The following RBL1 variants were observed in gnomAD, a reference collection of about 807,000 sequenced individuals.
RBL1 encodes the protein retinoblastoma-like protein 1.
In RBL1, 82 loss-of-function variants were observed where a neutral mutation model predicts 123.0. That is an observed-to-expected ratio of 0.67 (90% CI 0.56 to 0.80). RBL1 has a LOEUF of 0.80. Among genes scored for constraint, RBL1 ranks in the 30% least tolerant of loss-of-function variants. The pLI is 0.00. For synonymous variants in RBL1, 405 were observed against 441.3 expected, an observed-to-expected ratio of 0.92 and a Z score of 1.03; for missense variants, 1,171 against 1,299.6, an observed-to-expected ratio of 0.90 and a Z score of 1.52.
At chr20:37,044,630 C>A (rs576287875) in intron 12 of RBL1, among the ~76,000 whole-genome samples, 1 of 152,140 alleles carries the variant, frequency 6.6e-6, no homozygotes, top group South Asian at 2.1e-4. Context: ...TGAGCCACTG[C>A]GCCCGGCCAC....
chr20:37,095,974 C>G lies in RBL1; in HGVS notation c.-46G>C. ...GCGCGCCACGGCCCCCGACTTCTTT[C>G]TCCCTCCCAGGCGCGCTACCCACAA... On this transcript the variant is annotated 5_prime_UTR_variant, in exon 1 of 22. Transcript: ENST00000373664. 7.0e-7 allele frequency: 1 copy of G among 1,426,860 alleles called. No homozygotes were observed. Among genetic ancestry groups the G allele is most frequent in the Non-Finnish European group, 9.3e-7 (1 of 1,075,648 alleles). 88.4% of individuals were successfully genotyped at this position (1,426,860 alleles called of 1,614,324 possible).
chr20:37,064,139 CTTTTT>C (rs1037547663), intron 7 of RBL1, among the ~76,000 whole-genome samples: 4 of 131,840 alleles, frequency 3.0e-5, no homozygotes, highest in Admixed American at 1.5e-4. Context: ...TCTTTTCTTT[CTTTTT>C]TTTTTTTTTT....
At chr20:37,017,816 A>T (rs1244210651) in intron 19 of RBL1, among the ~76,000 whole-genome samples, 1 of 151,556 alleles carries the variant, frequency 6.6e-6, no homozygotes, top group Admixed American at 6.6e-5. Flanking sequence ...TTTTTTTTTT[A>T]AGTAGAGATG....
Position 36,998,506 on chromosome 20 carries a change from G to A in RBL1, c.*253C>T. 1 of 335,372 alleles carries A rather than the reference G, an allele frequency of 3.0e-6. No homozygotes were observed. The highest frequency in any genetic ancestry group is 5.5e-6 in the Non-Finnish European group (1 of 183,442). The allele number at this position is 335,372 out of a possible 1,614,324, so 20.8% of individuals were successfully genotyped here. On this transcript the variant is annotated 3_prime_UTR_variant, in exon 22 of 22. Coordinates refer to ENST00000373664, the MANE Select transcript of RBL1 (RefSeq NM_002895.5). ...CCCAAAGTCCTGGGATTACAGGCGT[G>A]AGCCACAGCGCCTGGCCGGACTATT...
chr20:36,998,785 C>T lies in RBL1; in HGVS notation c.3181G>A (p.Val1061Ile), dbSNP rs1190221103. 6.2e-7 allele frequency: 1 copy of T among 1,612,732 alleles called. No individual in the cohort carries two copies. Among genetic ancestry groups the T allele is most frequent in the Non-Finnish European group, 8.5e-7 (1 of 1,179,530 alleles). Residue 1061 changes from valine (V) to isoleucine (I), a missense_variant, in exon 22 of 22, where the codon GTT (valine) becomes ATT (isoleucine). By Grantham distance (29) the Val-to-Ile change is conservative. Transcript: ENST00000373664. ...TAATGATTTGCTCTTTCACTGACAA[C>T]ATCCTGTAGTCGTTTCAGTAAAACG... ...DDVLLKRLQD[V>I]VSERANH
intron 13 of RBL1, among the ~76,000 whole-genome samples, chr20:37,042,762 G>A (rs1040703049): frequency 6.6e-6 from 1 of 151,672 alleles, no homozygotes; most frequent in East Asian, 1.9e-4. Context: ...AATTAGCCAG[G>A]TGTGGTGTGT....
chr20:37,084,356 C>G (rs1359262389), intron 2 of RBL1, among the ~76,000 whole-genome samples: 1 of 151,738 alleles, frequency 6.6e-6, no homozygotes, highest in African/African-American at 2.4e-5. Flanking sequence ...GATGAAAGAT[C>G]CTTATACCCT....
At chr20:37,044,648 T>C (rs2064789266) in intron 12 of RBL1, among the ~76,000 whole-genome samples, 1 of 152,216 alleles carries the variant, frequency 6.6e-6, no homozygotes, top group Non-Finnish European at 1.5e-5. Context: ...CACTGTGGCC[T>C]TATTCTGTGG....
chr20:37,022,744 G>T lies in RBL1; in HGVS notation c.2465C>A (p.Thr822Lys). Residue 822 changes from threonine to lysine, a missense_variant, in exon 17 of 22, where the codon ACG (threonine) becomes AAG (lysine). By Grantham distance (78) the Thr-to-Lys change is moderately conservative. Coordinates refer to ENST00000373664, the MANE Select transcript of RBL1 (RefSeq NM_002895.5). ...GTGAACTAAAGTGAATTCAAAACACGTCCATATCTTCCTTCGTAACTCATT... is the reference window on the plus strand; with the variant it reads ...GTGAACTAAAGTGAATTCAAAACACTTCCATATCTTCCTTCGTAACTCATT... ...VSNELRRKIW[T>K]CFEFTLVHCP... 6.2e-7 allele frequency: 1 copy of T among 1,613,642 alleles called. No individual in the cohort carries two copies. The highest frequency in any genetic ancestry group is 1.1e-5 in the South Asian group (1 of 91,058).
At chr20:37,056,100 ATTAC>A (rs2065000253) in intron 10 of RBL1, 42 bp downstream of exon 10, 8 of 1,558,658 alleles carry the variant, frequency 5.1e-6, no homozygotes, top group Non-Finnish European at 6.0e-6. Context: ...TTTTGGGGGG[ATTAC>A]TTATTTTCAA....
chr20:37,067,169 C>T (rs372369877), intron 4 of RBL1, 48 bp from the exon 5 acceptor site: 2 of 1,568,968 alleles, frequency 1.3e-6, no homozygotes. Context: ...CCAGAAACCT[C>T]TCATGTCAAA....
chr20:37,007,529 C>T lies in RBL1; in HGVS notation c.2753G>A (p.Cys918Tyr). 6.2e-7 allele frequency: 1 copy of T among 1,613,776 alleles called. No individual in the cohort carries two copies. The highest frequency in any genetic ancestry group is 1.7e-5 in the Admixed American group (1 of 59,932). ...TTCCTCTTTCACTGGTCCACTGGAACAGTCAGGTGTTTTTGTAGCATCTTC... is the reference window on the plus strand; with the variant it reads ...TTCCTCTTTCACTGGTCCACTGGAATAGTCAGGTGTTTTTGTAGCATCTTC... ...DLEDATKTPD[C>Y]SSGPVKEERG... Residue 918 changes from cysteine (C) to tyrosine (Y), a missense_variant, in exon 20 of 22, where the codon TGT becomes TAT. By Grantham distance (194) the Cys-to-Tyr change is radical. Coordinates refer to ENST00000373664, the MANE Select transcript of RBL1 (RefSeq NM_002895.5).
At chr20:37,088,912 A>G in intron 2 of RBL1, 77 bp downstream of exon 2, 1 of 1,003,578 alleles carries the variant, frequency 1.0e-6, no homozygotes, top group Non-Finnish European at 1.4e-6. Context: ...AATGAAGTCA[A>G]ATGATCTCAA....
chr20:37,001,026 G>A (rs1283370280), intron 21 of RBL1, among the ~76,000 whole-genome samples: 5 of 142,012 alleles, frequency 3.5e-5, no homozygotes, highest in Non-Finnish European at 7.7e-5. Flanking sequence ...AGGGAGGTGG[G>A]GGGGGTCAGC....
At chr20:37,038,428 G>C (rs2064665509) in intron 14 of RBL1, among the ~76,000 whole-genome samples, 2 of 147,830 alleles carry the variant, frequency 1.4e-5, no homozygotes, top group Non-Finnish European at 3.0e-5. Context: ...AGCCTCCCGA[G>C]TAGCTGGGAT....
intron 2 of RBL1, among the ~76,000 whole-genome samples, chr20:37,087,375 G>A (rs183344566): frequency 8.5e-4 from 129 of 152,002 alleles, no homozygotes; most frequent in African/African-American, 2.9e-3. Flanking sequence ...CTTAAGGTCA[G>A]GACTTTGAGA....
At chr20:37,043,795 G>C (rs988604296) in intron 13 of RBL1, among the ~76,000 whole-genome samples, 2 of 152,162 alleles carry the variant, frequency 1.3e-5, no homozygotes, top group Admixed American at 1.3e-4. Context: ...TATATGAAAT[G>C]TCTAGAATAG....
chr20:37,030,020 G>A (rs970112505), intron 16 of RBL1, among the ~76,000 whole-genome samples: 2 of 152,182 alleles, frequency 1.3e-5, no homozygotes, highest in Non-Finnish European at 2.9e-5. Context: ...TAGCCAATGC[G>A]ATCTCCATAT....
intron 19 of RBL1, among the ~76,000 whole-genome samples, chr20:37,012,204 G>A (rs998496756): frequency 6.6e-6 from 1 of 152,218 alleles, no homozygotes; most frequent in Non-Finnish European, 1.5e-5. Context: ...GCGTGATCTC[G>A]GCTCGCTACA....
Sources: gnomAD v4.1 joint callset for allele counts (sites outside exome capture counted in the v4.1 genomes callset) on GRCh38, gnomAD v4.1.1 for gene constraint, MANE v1.5 for transcripts, NCBI Gene and HGNC (gene_info 2026-07-23, HGNC 2026-07-21) for gene names.